The following GREP1 variants were observed in gnomAD, a reference collection of about 807,000 sequenced individuals.
GREP1 encodes the protein glycine rich extracellular protein 1, also known as glycine-rich extracellular protein 1.
chr16:2,995,771 G>A, exon 17 of GREP1: 1 of 398,726 alleles, frequency 2.5e-6, no homozygotes, highest in Non-Finnish European at 4.4e-6. Context: ...TCTGAAGCCA[G>A]GTGAGCCCCG....
In GREP1 at chr16:2,999,959, C is replaced by T. The variant is rs11647949; in HGVS notation, c.1231+16C>T. 5.5e-5 allele frequency: 22 copies of T among 399,020 alleles called. No homozygotes were observed. The highest frequency in any genetic ancestry group is 3.7e-4 in the African/African-American group (18 of 48,630). The allele number at this position is 399,020 out of a possible 1,614,324, so 24.7% of individuals were successfully genotyped here. On this transcript the variant is annotated intron_variant, in intron 28 of 34. Coordinates refer to ENST00000573315, the Ensembl canonical transcript of GREP1. ...GCAGAACCAGGTGAGGAGGCCCTTC[C>T]TGGAGTTCCTCCCCTCCCTTCCCTT...
Position 2,997,784 on chromosome 16 carries a change from C to T in GREP1, c.917-19C>T, listed in dbSNP as rs2072434060. 6 of 398,312 alleles carry T rather than the reference C, an allele frequency of 1.5e-5. No individual in the cohort carries two copies. The highest frequency in any genetic ancestry group is 2.7e-5 in the Non-Finnish European group (6 of 226,006). 24.7% of individuals were successfully genotyped at this position (398,312 alleles called of 1,614,324 possible). Reference sequence around the variant, plus strand: ...GTGAGGAGTGGGCATGGGTCCCTCACCTACTCGCATCTCTCCAGGTGCTGG... The same window carrying T: ...GTGAGGAGTGGGCATGGGTCCCTCATCTACTCGCATCTCTCCAGGTGCTGG... On this transcript the variant is annotated intron_variant, in intron 22 of 34. Transcript: ENST00000573315.
Position 2,992,872 on chromosome 16 carries a change from T to A in GREP1, c.352+38T>A, listed in dbSNP as rs901290053. ...GGGACGGAAGCGGGGAGCCTGGGGC[T>A]GAGATTCTGGGCACAGGCCCAGAGG... is the stretch of plus-strand genomic sequence containing the variant. On this transcript the variant is annotated intron_variant, in intron 9 of 34. Coordinates refer to ENST00000573315, the Ensembl canonical transcript of GREP1. This position sits in a 1 kb window ranked among gnomAD's most constrained non-coding sequence, Gnocchi z 4.9. 5.0e-6 allele frequency: 2 copies of A among 399,030 alleles called. No individual in the cohort carries two copies. Among genetic ancestry groups the A allele is most frequent in the Non-Finnish European group, 4.4e-6 (1 of 226,066 alleles). The allele number at this position is 399,030 out of a possible 1,614,324, so 24.7% of individuals were successfully genotyped here.
chr16:2,997,505 T>C (rs936688272), intron 22 of GREP1: 1 of 398,316 alleles, frequency 2.5e-6, no homozygotes, highest in Non-Finnish European at 4.4e-6. Context: ...CTGAGGGTTT[T>C]CTTGGGGGCT....
Position 2,991,413 on chromosome 16 carries a change from C to T in GREP1, c.322+312C>T, listed in dbSNP as rs930252199. 1.0e-5 allele frequency: 3 copies of T among 287,402 alleles called. No homozygotes were observed. The highest frequency in any genetic ancestry group is 1.9e-5 in the Non-Finnish European group (3 of 155,882). The allele number at this position is 287,402 out of a possible 1,614,324, so 17.8% of individuals were successfully genotyped here. A position where few individuals can be genotyped will look rare whatever the true frequency, so the allele number is the denominator to read the frequency against. On this transcript the variant is annotated intron_variant, in intron 8 of 34. Coordinates refer to ENST00000573315, the Ensembl canonical transcript of GREP1. The surrounding 1 kb of genome is among the most constrained non-coding windows in gnomAD (Gnocchi z 4.9). Reference sequence around the variant, plus strand: ...CAGAAGTGGTTTGGGCGCTGGCACTCTTCCAGGGGCAGGAACCCCACCAGG... The same window carrying T: ...CAGAAGTGGTTTGGGCGCTGGCACTTTTCCAGGGGCAGGAACCCCACCAGG...
exon 26 of GREP1, chr16:2,998,858 T>C (rs935014944): frequency 5.0e-6 from 2 of 398,958 alleles, no homozygotes; most frequent in Non-Finnish European, 8.8e-6. Flanking sequence ...GTCCCTGCAA[T>C]GCGAGGGTCG....
At position 2,992,092 on chromosome 16, in the gene GREP1, C is replaced by T. The variant is rs1012865376; in HGVS notation, c.323-713C>T. 6.6e-6 allele frequency: 1 copy of T among 152,640 alleles called. No homozygotes were observed. The highest frequency in any genetic ancestry group is 1.5e-5 in the Non-Finnish European group (1 of 68,348). 9.5% of individuals were successfully genotyped at this position (152,640 alleles called of 1,614,324 possible). A position where few individuals can be genotyped will look rare whatever the true frequency, so the allele number is the denominator to read the frequency against. On this transcript the variant is annotated intron_variant, in intron 8 of 34. Transcript: ENST00000573315. This position sits in a 1 kb window ranked among gnomAD's most constrained non-coding sequence, Gnocchi z 4.9. ...ACATCCGGCCCTGCCTCTGCTTCCT[C>T]CTTCTACTCGGTCTCCCAAGATCTG...
At chr16:3,001,106 C>G (rs1019474879) in intron 33 of GREP1, among the ~76,000 whole-genome samples, 175 bp from the exon 28 acceptor site, 1 of 151,930 alleles carries the variant, frequency 6.6e-6, no homozygotes, top group Non-Finnish European at 1.5e-5. Context: ...AGGGCCATCA[C>G]GGACTCAGTT....
intron 21 of GREP1, chr16:2,997,374 C>T: frequency 2.5e-6 from 1 of 398,612 alleles, no homozygotes; most frequent in Non-Finnish European, 4.4e-6. Context: ...CCTGCTCACC[C>T]CTCCCTCCCC....
At chr16:2,994,756 C>T (rs553178896) in intron 11 of GREP1, 29 bp downstream of exon 12, 63 of 399,134 alleles carry the variant, frequency 1.6e-4, no homozygotes, top group African/African-American at 1.1e-3. Flanking sequence ...TTTGGGGAGG[C>T]CCAGAGCTGG....
intron 27 of GREP1, among the ~76,000 whole-genome samples, chr16:2,999,689 T>G (rs2151112345): frequency 6.6e-6 from 1 of 152,146 alleles, no homozygotes; most frequent in East Asian, 1.9e-4. Flanking sequence ...TGGCTTCAAG[T>G]GATCAGCCCA....
At position 2,989,758 on chromosome 16, in the gene GREP1, C is replaced by T. The variant is rs376689452; in HGVS notation, c.130+206C>T. On this transcript the variant is annotated intron_variant, in intron 3 of 34. Coordinates refer to ENST00000573315, the Ensembl canonical transcript of GREP1. The surrounding 1 kb of genome is among the most constrained non-coding windows in gnomAD (Gnocchi z 4.2). ...GGAAGGCAGGCAGGAAGAAATGGAG[C>T]GGGGAGGGAAGAAAGGAAAGAGAGC... 6.6e-6 allele frequency among the ~76,000 whole-genome samples: 1 copy of T among 150,758 alleles called. No individual in the cohort carries two copies. The highest frequency in any genetic ancestry group is 1.5e-5 in the Non-Finnish European group (1 of 67,712).
rs2072385507 is a variant in GREP1, at chr16:2,989,021, T to C, written c.100+399T>C. On this transcript the variant is annotated intron_variant, in intron 2 of 34. Transcript: ENST00000573315. The surrounding 1 kb of genome is among the most constrained non-coding windows in gnomAD (Gnocchi z 4.2). ...TTTACTTCAGGGACCTGGGGGGTCC[T>C]AAGGGTAGAAGGAGGGGCTGCCCCT... The C allele has an allele frequency of 8.0e-6, 2 of 251,434 alleles. No individual in the cohort carries two copies. Among genetic ancestry groups the C allele is most frequent in the Admixed American group, 5.6e-5 (1 of 18,008 alleles). The allele number at this position is 251,434 out of a possible 1,614,324, so 15.6% of individuals were successfully genotyped here. A position where few individuals can be genotyped will look rare whatever the true frequency, so the allele number is the denominator to read the frequency against.
rs140002895 is a variant in GREP1 at position 2,998,930 on chromosome 16, G to A, written c.1095G>A (p.Trp365Ter). ...TCCCTTCGGACAAAGAGGGTGGCTG[G>A]GGCCTGAAATCCCAGCCCCCTTCCG... The change falls in exon 26 of 35, where the codon TGG becomes TGA. Residue 365 changes from tryptophan to a stop codon, truncating the protein, a stop_gained. Transcript: ENST00000573315. LOFTEE classifies it high-confidence loss of function. 178 of 399,148 alleles carry A rather than the reference G, an allele frequency of 4.5e-4. 1 individual carries two copies. Among genetic ancestry groups the A allele is most frequent in the African/African-American group, 3.4e-3 (164 of 48,766 alleles). The allele number at this position is 399,148 out of a possible 1,614,324, so 24.7% of individuals were successfully genotyped here.
chr16:2,999,313 C>T, intron 27 of GREP1: 1 of 398,842 alleles, frequency 2.5e-6, no homozygotes, highest in Middle Eastern at 6.3e-4. Context: ...GTGAGTCTGT[C>T]TGCCCCCAGG....
Position 2,995,564 on chromosome 16 carries a change from T to C in GREP1, c.554-55T>C, listed in dbSNP as rs140460611. On this transcript the variant is annotated intron_variant, in intron 15 of 34. Coordinates refer to ENST00000573315, the Ensembl canonical transcript of GREP1. ...CTGGGAGGAAGCCTCCAGGATTCCCTTACCTCCACCTCAACCAAACCCCAA... is the reference window on the plus strand; with the variant it reads ...CTGGGAGGAAGCCTCCAGGATTCCCCTACCTCCACCTCAACCAAACCCCAA... 945 of 398,616 alleles carry C rather than the reference T, an allele frequency of 2.4e-3. 8 individuals carry two copies. The highest frequency in any genetic ancestry group is 0.018 in the African/African-American group (871 of 48,680). 24.7% of individuals were successfully genotyped at this position (398,616 alleles called of 1,614,324 possible). A position where few individuals can be genotyped will look rare whatever the true frequency, so the allele number is the denominator to read the frequency against.
At chr16:3,001,430 T>G (rs1691640715) in intron 34 of GREP1, 96 bp downstream of exon 28, 1 of 399,074 alleles carries the variant, frequency 2.5e-6, no homozygotes. Context: ...TTGGGAAGGA[T>G]AGCAGGTTCT....
At chr16:2,999,923 A>G in exon 28 of GREP1, 1 of 399,120 alleles carries the variant, frequency 2.5e-6, no homozygotes, top group East Asian at 3.6e-5. Flanking sequence ...CCAAATGGCT[A>G]TGGACCGGGA....
intron 6 of GREP1, 56 bp from the exon 6 acceptor site, chr16:2,990,496 C>G (rs377647281): frequency 3.0e-4 from 119 of 399,366 alleles, no homozygotes; most frequent in African/African-American, 2.3e-3. Flanking sequence ...AGGTGAGGCT[C>G]GCCCAGCCCC....
Sources: allele counts gnomAD v4.1 joint callset (sites outside exome capture counted in the v4.1 genomes callset), GRCh38; gene constraint gnomAD v4.1.1; non-coding constraint Gnocchi (gnomAD v3.1); transcripts MANE v1.5; gene names NCBI Gene and HGNC (gene_info 2026-07-23, HGNC 2026-07-21).